Variants in STIM2 observed in about 807,000 individuals in gnomAD.
The protein encoded by STIM2 is stromal interaction molecule 2.
Under a neutral mutation model 85.8 loss-of-function variants are expected in STIM2, and 31 were observed. The ratio of observed to expected loss-of-function variants is 0.36; its 90% CI spans 0.27 to 0.49. The LOEUF (loss-of-function observed/expected upper bound fraction) is 0.49, where lower values mean the gene tolerates loss of function less well. STIM2 is among the 20% of genes least tolerant of loss of function. STIM2 has a pLI of 0.98. For synonymous variants in STIM2, 356 were observed against 331.1 expected (o/e 1.08, Z -0.82); for missense variants, 841 against 927.6 (o/e 0.91, Z 1.21).
At chr4:26,887,329 C>CT (rs1179936416) in intron 1 of STIM2, among the ~76,000 whole-genome samples, 1 of 151,190 alleles carries the variant, frequency 6.6e-6, no homozygotes, top group African/African-American at 2.4e-5. Context: ...TGCTAATAAT[C>CT]TAAGATCACA....
chr4:26,980,476 A>C (rs1281936090), intron 3 of STIM2, among the ~76,000 whole-genome samples: 1 of 151,946 alleles, frequency 6.6e-6, no homozygotes, highest in African/African-American at 2.4e-5. Context: ...AAAAAAAAAA[A>C]GGAAAAAGTT....
chr4:26,945,062 C>T (rs1301677678), intron 2 of STIM2, among the ~76,000 whole-genome samples: 1 of 152,070 alleles, frequency 6.6e-6, no homozygotes, highest in African/African-American at 2.4e-5. Flanking sequence ...GCCTAGTATC[C>T]ACTAGTTACT....
chr4:26,895,264 T>C (rs926970141), intron 1 of STIM2, among the ~76,000 whole-genome samples: 1 of 152,216 alleles, frequency 6.6e-6, no homozygotes, highest in African/African-American at 2.4e-5. Flanking sequence ...TCTATTTAAG[T>C]CTGTTTTAGT....
intron 3 of STIM2, among the ~76,000 whole-genome samples, chr4:26,966,321 G>C (rs1373630086): frequency 6.6e-6 from 1 of 152,120 alleles, no homozygotes. Context: ...AGGTGGGAAG[G>C]AGTGACTCAG....
At chr4:26,963,348 A>T (rs1340136286) in intron 3 of STIM2, among the ~76,000 whole-genome samples, 1 of 152,178 alleles carries the variant, frequency 6.6e-6, no homozygotes, top group African/African-American at 2.4e-5. Flanking sequence ...AAAATCCACC[A>T]GCTCTTTAAA....
At chr4:26,955,724 A>G (rs1726217471) in intron 2 of STIM2, among the ~76,000 whole-genome samples, 1 of 134,608 alleles carries the variant, frequency 7.4e-6, no homozygotes, top group Non-Finnish European at 1.6e-5. Flanking sequence ...TGATGACGAA[A>G]GACCAGATGT....
chr4:26,930,584 C>T (rs534643813), intron 2 of STIM2, among the ~76,000 whole-genome samples: 6 of 152,230 alleles, frequency 3.9e-5, no homozygotes, highest in African/African-American at 1.4e-4. Context: ...CCTTATGTTA[C>T]ATATGCTGCC....
At chr4:26,921,294 T>C (rs1216844318) in intron 2 of STIM2, among the ~76,000 whole-genome samples, 5 of 152,130 alleles carry the variant, frequency 3.3e-5, no homozygotes. Flanking sequence ...TGTGGACACA[T>C]TGATTTTGAA....
intron 11 of STIM2, chr4:27,020,947 T>C (rs1234914173): frequency 1.3e-6 from 2 of 1,505,438 alleles, no homozygotes; most frequent in African/African-American, 1.4e-5. Context: ...TTGCCACTTT[T>C]TACCTTGACT....
chr4:26,907,977 G>A (rs946086119), intron 1 of STIM2, among the ~76,000 whole-genome samples: 2 of 152,112 alleles, frequency 1.3e-5, no homozygotes, highest in African/African-American at 4.8e-5. Context: ...ACACGGAAGG[G>A]GAATTACCCA....
At chr4:26,909,348 A>G (rs1724247912) in intron 1 of STIM2, among the ~76,000 whole-genome samples, 1 of 152,218 alleles carries the variant, frequency 6.6e-6, no homozygotes, top group African/African-American at 2.4e-5. Context: ...TTTCCATTCT[A>G]CAGGTGAGGA....
At position 27,021,231 on chromosome 4, in the gene STIM2, T is replaced by C. The variant is rs1239310580; in HGVS notation, c.1764-1288T>C. 3.1e-5 allele frequency: 18 copies of C among 588,772 alleles called. 1 individual carries two copies. In the Admixed American group the frequency reaches 5.4e-4, roughly 18 times the overall value. 36.5% of individuals were successfully genotyped at this position (588,772 alleles called of 1,614,324 possible). On this transcript the variant is annotated intron_variant, in intron 11 of 11. Transcript: ENST00000467087. Reference sequence around the variant, plus strand: ...CAGAAGTTAATAAGGCTCCTTGTCCTTATTTATTTCTTTTTTTCTGGGATT... The same window carrying C: ...CAGAAGTTAATAAGGCTCCTTGTCCCTATTTATTTCTTTTTTTCTGGGATT...
chr4:26,897,300 T>C (rs1212030178), intron 1 of STIM2, among the ~76,000 whole-genome samples: 1 of 152,242 alleles, frequency 6.6e-6, no homozygotes, highest in South Asian at 2.1e-4. Flanking sequence ...TGGTACTTTC[T>C]GTATGTTTTA....
chr4:26,861,590 T>G, intron 1 of STIM2: 6 of 508,046 alleles, frequency 1.2e-5, no homozygotes, highest in Admixed American at 4.7e-5. Context: ...ACGGCACTGA[T>G]TCCCCTCCCT....
At position 26,996,244 on chromosome 4, in the gene STIM2, A is replaced by T. The variant is rs540795946; in HGVS notation, c.509+754A>T. Among the ~76,000 whole-genome samples, 3 of 152,128 alleles carry T rather than the reference A, an allele frequency of 2.0e-5. No individual in the cohort carries two copies. In the East Asian group the frequency reaches 5.8e-4, roughly 29 times the overall value. On this transcript the variant is annotated intron_variant, in intron 4 of 11. Transcript: ENST00000467087. The stretch of plus-strand genomic sequence containing the variant: ...TACCAAATGATATAATTTAGAAATT[A>T]TAATTTTTAATTAATTTAATTAACT...
chr4:26,912,930 T>C (rs1349166325), intron 1 of STIM2, among the ~76,000 whole-genome samples: 3 of 152,140 alleles, frequency 2.0e-5, no homozygotes, highest in Admixed American at 6.6e-5. Flanking sequence ...GTCAGGCTTG[T>C]GCATTGCAGT....
chr4:27,022,902 G>C lies in STIM2; in HGVS notation c.2147G>C (p.Arg716Thr), dbSNP rs147362228. The C allele has an allele frequency of 1.9e-6, 3 of 1,614,160 alleles. No individual in the cohort carries two copies. Among genetic ancestry groups the C allele is most frequent in the East Asian group, 4.5e-5 (2 of 44,882 alleles). ...GTTCAGGAAGCCCCAAGTGTTGCCA[G>C]AATAAGCAGCATCCCACATGACCTT... The change falls in exon 12 of 12, where the codon AGA becomes ACA. Residue 716 changes from arginine to threonine, a missense_variant. Physicochemically the swap from Arg to Thr is moderately conservative, Grantham distance 71. This residue lies in a region of STIM2 where 293 missense variants were observed against 284.5 expected (regional missense o/e 1.03). Coordinates refer to ENST00000467087, the MANE Select transcript of STIM2 (RefSeq NM_020860.4).
intron 7 of STIM2, among the ~76,000 whole-genome samples, 170 bp downstream of exon 7, chr4:27,003,274 A>G (rs1311549674): frequency 6.6e-6 from 1 of 152,194 alleles, no homozygotes; most frequent in Non-Finnish European, 1.5e-5. Context: ...ATATAGCAAA[A>G]TAACACAGTA....
intron 2 of STIM2, among the ~76,000 whole-genome samples, chr4:26,936,035 G>C (rs896445001): frequency 6.6e-6 from 1 of 152,030 alleles, no homozygotes; most frequent in Non-Finnish European, 1.5e-5. Flanking sequence ...TATAAAGCAG[G>C]GTTGTATTTG....
Sources: gnomAD v4.1 joint callset for allele counts (sites outside exome capture counted in the v4.1 genomes callset) on GRCh38, gnomAD v4.1.1 for gene constraint, gnomAD v4.1.1 regional missense constraint, MANE v1.5 for transcripts, NCBI Gene and HGNC (gene_info 2026-07-23, HGNC 2026-07-21) for gene names.